Variants in KLRG1 observed in about 807,000 individuals in gnomAD.
KLRG1 encodes killer cell lectin-like receptor subfamily G member 1.
Under a neutral mutation model 21.8 loss-of-function variants are expected in KLRG1, and 16 were observed. That is an observed-to-expected ratio of 0.73 (90% CI 0.50 to 1.11). KLRG1 has a LOEUF of 1.11. Ranked by LOEUF, KLRG1 falls within the 50% of genes most tolerant of loss-of-function variation. The pLI, the probability that KLRG1 is intolerant of heterozygous loss-of-function variation, is 0.00. For missense variants in KLRG1, 173 were observed against 218.3 expected (o/e 0.79, Z 1.31); for synonymous variants, 69 against 75.9 (o/e 0.91, Z 0.47).
At chr12:9,034,045 C>A in the KLRG1 span, among the ~76,000 whole-genome samples, 3 of 152,148 alleles carry the variant, frequency 2.0e-5, no homozygotes, top group Non-Finnish European at 4.4e-5. Flanking sequence ...TCCTAAAAAT[C>A]CATTGAAGAA....
At chr12:9,039,471 CTT>C in the KLRG1 span, among the ~76,000 whole-genome samples, 5 of 151,946 alleles carry the variant, frequency 3.3e-5, no homozygotes, top group Admixed American at 6.6e-5. Flanking sequence ...TTTTAAAAAA[CTT>C]TTTTTTCTGT....
the KLRG1 span, among the ~76,000 whole-genome samples, chr12:9,035,124 G>C: frequency 6.6e-6 from 1 of 152,190 alleles, no homozygotes; most frequent in Non-Finnish European, 1.5e-5. Flanking sequence ...GTGGTAAGCT[G>C]TGCGTTCATA....
intron 3 of KLRG1, among the ~76,000 whole-genome samples, chr12:9,001,973 C>A (rs1467505192): frequency 6.6e-6 from 1 of 151,976 alleles, no homozygotes; most frequent in African/African-American, 2.4e-5. Flanking sequence ...AAAGTTGCAA[C>A]CAGATTTTAT....
At chr12:9,101,412 T>C in the KLRG1 span, 6 of 1,554,668 alleles carry the variant, frequency 3.9e-6, no homozygotes, top group South Asian at 6.8e-5. Context: ...AGCTTTTGTC[T>C]ACAGTGAAGT....
At chr12:9,154,957 C>A in the KLRG1 span, 1 of 1,046,338 alleles carries the variant, frequency 9.6e-7, no homozygotes, top group Non-Finnish European at 1.4e-6. Context: ...GAAGCAAGGT[C>A]TTCTATGTCA....
At chr12:9,107,721 T>A in the KLRG1 span, 1 of 1,538,938 alleles carries the variant, frequency 6.5e-7, no homozygotes, top group Non-Finnish European at 8.9e-7. Context: ...TATCTCCCCT[T>A]TAGCTACAGT....
the KLRG1 span, chr12:9,197,119 T>A: frequency 1.3e-6 from 2 of 1,596,964 alleles, no homozygotes; most frequent in South Asian, 1.1e-5. Context: ...TTCCCATAAG[T>A]GTATCTGGTA....
At chr12:9,093,632 G>T in the KLRG1 span, 1 of 1,007,874 alleles carries the variant, frequency 9.9e-7, no homozygotes, top group South Asian at 2.5e-5. Context: ...TAAAGCTTAT[G>T]AGAGAATGTA....
At chr12:8,992,717 T>A (rs958473929) in intron 2 of KLRG1, among the ~76,000 whole-genome samples, 2 of 152,076 alleles carry the variant, frequency 1.3e-5, no homozygotes, top group African/African-American at 4.8e-5. Context: ...TATTTTTTTT[T>A]TTTTGTAAAG....
chr12:9,166,151 T>A, the KLRG1 span: 1 of 1,613,916 alleles, frequency 6.2e-7, no homozygotes, highest in Non-Finnish European at 8.5e-7. Context: ...GGGTATCACA[T>A]TATATGTGCC....
At chr12:9,129,444 A>G in the KLRG1 span, among the ~76,000 whole-genome samples, 3 of 152,094 alleles carry the variant, frequency 2.0e-5, no homozygotes, top group Non-Finnish European at 4.4e-5. Context: ...TATAAAATAT[A>G]TAAGTATGAA....
intron 1 of KLRG1, among the ~76,000 whole-genome samples, chr12:8,974,882 T>G (rs1172281479): frequency 6.8e-6 from 1 of 147,670 alleles, no homozygotes; most frequent in Non-Finnish European, 1.5e-5. Context: ...TGAGGAGGCA[T>G]TACCTCTTCT....
the KLRG1 span, among the ~76,000 whole-genome samples, chr12:9,125,167 G>T: frequency 6.6e-6 from 1 of 152,250 alleles, no homozygotes; most frequent in African/African-American, 2.4e-5. Flanking sequence ...ACCCGCTCCA[G>T]GGCCTCCTCT....
At chr12:9,173,660 C>T in the KLRG1 span, among the ~76,000 whole-genome samples, 1 of 152,158 alleles carries the variant, frequency 6.6e-6, no homozygotes, top group South Asian at 2.1e-4. Context: ...CCACTGACCT[C>T]ACAGAAACGC....
chr12:9,144,889 C>T, the KLRG1 span, among the ~76,000 whole-genome samples: 1 of 152,180 alleles, frequency 6.6e-6, no homozygotes, highest in Non-Finnish European at 1.5e-5. Flanking sequence ...TATGGTCATG[C>T]TGACGTTAGC....
At chr12:9,067,292 T>C in the KLRG1 span, 154 of 161,810 alleles carry the variant, frequency 9.5e-4, 1 homozygote, top group Non-Finnish European at 3.1e-4. Flanking sequence ...CTCTCATCAG[T>C]GGCAGATTTT....
the KLRG1 span, among the ~76,000 whole-genome samples, chr12:9,085,952 T>C: frequency 2.0e-5 from 3 of 152,166 alleles, no homozygotes; most frequent in South Asian, 6.2e-4. Context: ...CATGAAGAAA[T>C]AGAAAATCTG....
chr12:9,197,321 C>T, the KLRG1 span, among the ~76,000 whole-genome samples: 2 of 147,958 alleles, frequency 1.4e-5, no homozygotes, highest in African/African-American at 5.0e-5. Context: ...CTGCACTGTA[C>T]CACCACATTC....
At chr12:9,065,148 T>TCCACCCCCCC in the KLRG1 span, 13 of 10,798 alleles carry the variant, frequency 1.2e-3, no homozygotes, top group Non-Finnish European at 1.6e-3. Flanking sequence ...AACATTCCCT[T>TCCACCCCCCC]CCTCCCCCCC....
Sources: gnomAD v4.1 joint callset for allele counts (sites outside exome capture counted in the v4.1 genomes callset) on GRCh38, gnomAD v4.1.1 for gene constraint, MANE v1.5 for transcripts, NCBI Gene and HGNC (gene_info 2026-07-23, HGNC 2026-07-21) for gene names.